Variants in C1GALT1 observed in about 807,000 individuals in gnomAD.
C1GALT1 encodes the protein glycoprotein-N-acetylgalactosamine 3-beta-galactosyltransferase 1.
In C1GALT1, 11 loss-of-function variants were observed where a neutral mutation model predicts 31.0. The observed-to-expected ratio is 0.36, with a 90% CI of 0.22 to 0.59. C1GALT1 has a LOEUF of 0.59. Among genes scored for constraint, C1GALT1 ranks in the 20% least tolerant of loss-of-function variants. C1GALT1 has a pLI of 0.79. For synonymous variants in C1GALT1, 175 were observed against 143.6 expected (o/e 1.22, Z -1.56); for missense variants, 424 against 425.2 (o/e 1.00, Z 0.03).
chr7:7,231,592 G>A (rs1357198584), intron 1 of C1GALT1, among the ~76,000 whole-genome samples: 2 of 151,890 alleles, frequency 1.3e-5, no homozygotes, highest in African/African-American at 4.8e-5. Context: ...ACTATTCTAT[G>A]CCTAATTTCT....
intron 2 of C1GALT1, among the ~76,000 whole-genome samples, chr7:7,176,298 A>G (rs1053923417): frequency 3.3e-5 from 5 of 152,216 alleles, no homozygotes; most frequent in Non-Finnish European, 7.3e-5. Context: ...AGAAAAAAAA[A>G]ATGCCACATT....
intron 1 of C1GALT1, among the ~76,000 whole-genome samples, chr7:7,223,510 G>A (rs1289487021): frequency 6.6e-6 from 1 of 152,108 alleles, no homozygotes; most frequent in African/African-American, 2.4e-5. Context: ...CATGTCTTTT[G>A]CCAAGCCTTT....
At chr7:7,243,494 TAAC>T in intron 3 of C1GALT1, 27 bp from the exon 4 acceptor site, 1 of 1,524,742 alleles carries the variant, frequency 6.6e-7, no homozygotes, top group African/African-American at 1.4e-5. Flanking sequence ...TGCTGTTTAT[TAAC>T]AATACCTGTT....
intron 1 of C1GALT1, among the ~76,000 whole-genome samples, chr7:7,229,354 A>G (rs1289963971): frequency 6.6e-6 from 1 of 152,166 alleles, no homozygotes; most frequent in Admixed American, 6.5e-5. Flanking sequence ...ACAACTCAGT[A>G]TCTGCTAATG....
chr7:7,240,848 CT>C (rs1783594121), intron 3 of C1GALT1, among the ~76,000 whole-genome samples: 1 of 152,020 alleles, frequency 6.6e-6, no homozygotes, highest in African/African-American at 2.4e-5. Context: ...TTTCTTCCCC[CT>C]AAATGAGTTT....
At chr7:7,188,528 A>T (rs1780919531) in intron 1 of C1GALT1, among the ~76,000 whole-genome samples, 1 of 151,124 alleles carries the variant, frequency 6.6e-6, no homozygotes, top group African/African-American at 2.4e-5. Context: ...CCTTTATTTA[A>T]TTTTTATCAG....
chr7:7,184,129 A>G (rs1232879537), intron 1 of C1GALT1, among the ~76,000 whole-genome samples: 1 of 152,216 alleles, frequency 6.6e-6, no homozygotes, highest in Non-Finnish European at 1.5e-5. Context: ...TAAATATTGT[A>G]TATAGTACAC....
chr7:7,246,147 A>T lies in C1GALT1; in HGVS notation c.*2420A>T, dbSNP rs905427322. 1.3e-5 allele frequency: 2 copies of T among 152,198 alleles called. No individual in the cohort carries two copies. Among genetic ancestry groups the T allele is most frequent in the Admixed American group, 6.5e-5 (1 of 15,282 alleles). The allele number at this position is 152,198 out of a possible 1,614,324, so 9.4% of individuals were successfully genotyped here. A position where few individuals can be genotyped will look rare whatever the true frequency, so the allele number is the denominator to read the frequency against. On this transcript the variant is annotated 3_prime_UTR_variant, in exon 4 of 4. Transcript: ENST00000436587. The stretch of plus-strand genomic sequence containing the variant: ...TGTATGCTAGGTACTGTGCTTAGAT[A>T]ATCTGTGTATAATAGTGTTAATCCT...
chr7:7,191,073 C>T (rs1554290214), intron 1 of C1GALT1, among the ~76,000 whole-genome samples: 2 of 152,126 alleles, frequency 1.3e-5, no homozygotes, highest in South Asian at 2.1e-4. Flanking sequence ...CAACCATCAC[C>T]GCTGTTTATC....
chr7:7,201,120 C>T (rs535494428), intron 1 of C1GALT1, among the ~76,000 whole-genome samples: 2 of 152,150 alleles, frequency 1.3e-5, no homozygotes, highest in Admixed American at 1.3e-4. Flanking sequence ...CTGGTTTCTC[C>T]CCATCTTTGT....
chr7:7,248,607 C>T lies in C1GALT1; in HGVS notation c.*4880C>T, dbSNP rs1051735301. 1.3e-5 allele frequency: 2 copies of T among 151,838 alleles called. No homozygotes were observed. The highest frequency in any genetic ancestry group is 4.8e-5 in the African/African-American group (2 of 41,372). The allele number at this position is 151,838 out of a possible 1,614,324, so 9.4% of individuals were successfully genotyped here. A position where few individuals can be genotyped will look rare whatever the true frequency, so the allele number is the denominator to read the frequency against. ...TTAAATAATGCATAAAATAAATTGCCATGTTCAAAGTTGTTTCATCTGATT... is the reference window on the plus strand; with the variant it reads ...TTAAATAATGCATAAAATAAATTGCTATGTTCAAAGTTGTTTCATCTGATT... On this transcript the variant is annotated 3_prime_UTR_variant, in exon 4 of 4. Coordinates refer to ENST00000436587, the MANE Select transcript of C1GALT1 (RefSeq NM_020156.5).
intron 1 of C1GALT1, among the ~76,000 whole-genome samples, chr7:7,197,929 T>A (rs981134307): frequency 6.6e-6 from 1 of 152,100 alleles, no homozygotes; most frequent in Non-Finnish European, 1.5e-5. Flanking sequence ...CAGCTTGAGA[T>A]ATTGGGCTGA....
chr7:7,204,808 G>A (rs1166727848), intron 1 of C1GALT1, among the ~76,000 whole-genome samples: 3 of 152,052 alleles, frequency 2.0e-5, no homozygotes, highest in African/African-American at 7.2e-5. Flanking sequence ...CGCCCCATTG[G>A]TTGTTTGATT....
At chr7:7,208,612 T>C (rs1781856436) in intron 1 of C1GALT1, among the ~76,000 whole-genome samples, 1 of 152,164 alleles carries the variant, frequency 6.6e-6, no homozygotes, top group Non-Finnish European at 1.5e-5. Context: ...GGCAGTTACC[T>C]CAGCTAGAGG....
chr7:7,236,938 T>C (rs13226468), intron 2 of C1GALT1, among the ~76,000 whole-genome samples: 1 of 152,226 alleles, frequency 6.6e-6, no homozygotes, highest in Non-Finnish European at 1.5e-5. Flanking sequence ...TAAGCTTCTG[T>C]AACTTGCTGT....
intron 1 of C1GALT1, among the ~76,000 whole-genome samples, chr7:7,218,551 G>A (rs1782355563): frequency 6.6e-6 from 1 of 152,132 alleles, no homozygotes; most frequent in African/African-American, 2.4e-5. Context: ...TGAATAAGGT[G>A]AGCTGCTTTG....
chr7:7,226,536 G>C (rs1324238137), intron 1 of C1GALT1, among the ~76,000 whole-genome samples: 2 of 152,092 alleles, frequency 1.3e-5, no homozygotes, highest in African/African-American at 4.8e-5. Context: ...TAAGAGAAGA[G>C]GTTAAAGGCT....
intron 2 of C1GALT1, among the ~76,000 whole-genome samples, chr7:7,176,890 G>A (rs981819597): frequency 2.8e-4 from 42 of 152,302 alleles, no homozygotes; most frequent in African/African-American, 1.0e-3. Context: ...GAGAAGCTCT[G>A]TCTAAAAGCA....
chr7:7,235,334 A>G (rs1783286679), intron 2 of C1GALT1: 1 of 152,196 alleles, frequency 6.6e-6, no homozygotes, highest in African/African-American at 2.4e-5. Context: ...TCTCAGTAGT[A>G]AATTATTTCT....
Sources: gnomAD v4.1 joint callset for allele counts (sites outside exome capture counted in the v4.1 genomes callset) on GRCh38, gnomAD v4.1.1 for gene constraint, MANE v1.5 for transcripts, NCBI Gene and HGNC (gene_info 2026-07-23, HGNC 2026-07-21) for gene names.